The following C7 variants were observed in gnomAD, a reference collection of about 807,000 sequenced individuals.
C7 encodes complement C7, also known as complement component C7.
In C7, 83 loss-of-function variants were observed where a neutral mutation model predicts 104.8. The observed-to-expected ratio is 0.79, with a 90% CI of 0.66 to 0.95. C7 has a LOEUF of 0.95. Ranked by LOEUF, C7 falls within the 40% of genes least tolerant of loss-of-function variation. The pLI is 0.00. For synonymous variants in C7, 415 were observed against 360.6 expected, an observed-to-expected ratio of 1.15 and a Z score of -1.71; for missense variants, 1,070 against 1,011.2, an observed-to-expected ratio of 1.06 and a Z score of -0.79.
chr5:40,956,521 T>C (rs1386696348), intron 10 of C7, among the ~76,000 whole-genome samples: 1 of 152,258 alleles, frequency 6.6e-6, no homozygotes, highest in Non-Finnish European at 1.5e-5. Flanking sequence ...CTGTGTTTCA[T>C]GTGGACATAG....
chr5:40,945,583 G>A (rs1740029098), intron 7 of C7, among the ~76,000 whole-genome samples: 1 of 151,926 alleles, frequency 6.6e-6, no homozygotes, highest in Non-Finnish European at 1.5e-5. Flanking sequence ...TACTGGCCAG[G>A]CACAGTGGTT....
At chr5:40,934,591 TATC>T in intron 4 of C7, 125 bp downstream of exon 4, 1 of 930,518 alleles carries the variant, frequency 1.1e-6, no homozygotes, top group Admixed American at 2.3e-5. Context: ...TTCCCCCAAA[TATC>T]ATCAGGATTT....
chr5:40,945,426 A>C (rs1045885299), intron 7 of C7, 58 bp downstream of exon 7: 1 of 1,132,806 alleles, frequency 8.8e-7, no homozygotes, highest in African/African-American at 1.6e-5. Flanking sequence ...TATTGCTTAC[A>C]TTAATAAACT....
chr5:40,948,593 T>C (rs898494576), intron 8 of C7, among the ~76,000 whole-genome samples: 1 of 152,182 alleles, frequency 6.6e-6, no homozygotes, highest in Non-Finnish European at 1.5e-5. Context: ...GAATTAATGC[T>C]TTGTTGATTT....
intron 16 of C7, among the ~76,000 whole-genome samples, chr5:40,978,140 GAAAAAAAAA>G (rs869311131): frequency 9.3e-6 from 1 of 107,634 alleles, no homozygotes; most frequent in Non-Finnish European, 1.9e-5. Flanking sequence ...ATCTCAAAAA[GAAAAAAAAA>G]AAAAAAAAAA....
intron 1 of C7, among the ~76,000 whole-genome samples, chr5:40,927,385 T>A (rs796974336): frequency 1.3e-4 from 20 of 152,112 alleles, no homozygotes; most frequent in African/African-American, 4.8e-4. Context: ...AATGCAAACA[T>A]AGACAAATGG....
In C7 at chr5:40,972,873, G is replaced by C. The variant is rs76524297; in HGVS notation, c.2074+279G>C. Reference sequence around the variant, plus strand: ...AGCTTTATATCTGTTATGGTGCCAAGACAATAAAGGATTTTTAAAATCTGT... The same window carrying C: ...AGCTTTATATCTGTTATGGTGCCAACACAATAAAGGATTTTTAAAATCTGT... On this transcript the variant is annotated intron_variant, in intron 15 of 17. Transcript: ENST00000313164. Among the ~76,000 whole-genome samples the C allele has an allele frequency of 5.8e-3, 889 of 152,282 alleles. 32 individuals carry two copies. In the East Asian group the frequency reaches 0.091, roughly 16 times the overall value.
Position 40,945,265 on chromosome 5 carries a change from C to A in C7, c.635C>A (p.Ser212Ter), listed in dbSNP as rs774733206. ...ACTTGGTCTTATGTAAAACATACGT[C>A]GACAGAACACACATCATCTAGTCGG... ...NSTWSYVKHT[S>*]TEHTSSSRKR... Residue 212 changes from serine to a stop codon, truncating the protein, a stop_gained, in exon 7 of 18, where the codon TCG becomes TAG. Transcript: ENST00000313164. LOFTEE classifies it high-confidence loss of function. The A allele has an allele frequency of 1.9e-6, 3 of 1,585,862 alleles. No homozygotes were observed. The highest frequency in any genetic ancestry group is 1.7e-6 in the Non-Finnish European group (2 of 1,161,688).
intron 5 of C7, among the ~76,000 whole-genome samples, chr5:40,936,985 G>A (rs1240996610): frequency 6.6e-6 from 1 of 152,066 alleles, no homozygotes; most frequent in Admixed American, 6.6e-5. Context: ...CTGTGTTTAC[G>A]TTATCAAAGA....
chr5:40,910,620 A>G (rs551482688), intron 1 of C7, among the ~76,000 whole-genome samples: 3 of 152,310 alleles, frequency 2.0e-5, no homozygotes, highest in Admixed American at 6.5e-5. Context: ...TTGCAGCAAC[A>G]TGGAGGCAGA....
chr5:40,968,901 C>T (rs976770750), intron 14 of C7, among the ~76,000 whole-genome samples: 7 of 151,580 alleles, frequency 4.6e-5, no homozygotes, highest in Admixed American at 6.6e-5. Context: ...TGTGAGCCAT[C>T]GTGCCTGGCT....
intron 1 of C7, among the ~76,000 whole-genome samples, chr5:40,909,928 A>G (rs1230878608): frequency 1.3e-5 from 2 of 151,314 alleles, no homozygotes; most frequent in Non-Finnish European, 2.9e-5. Flanking sequence ...ATAAAGAAAT[A>G]CAATAGTACT....
At chr5:40,953,097 A>T (rs866465700) in intron 9 of C7, among the ~76,000 whole-genome samples, 1 of 152,158 alleles carries the variant, frequency 6.6e-6, no homozygotes, top group Non-Finnish European at 1.5e-5. Context: ...GACGTGATTC[A>T]CTGCATTAAA....
Position 40,982,600 on chromosome 5 carries a change from C to T in C7, c.*1027C>T, listed in dbSNP as rs1740974435. On this transcript the variant is annotated 3_prime_UTR_variant, in exon 18 of 18. Transcript: ENST00000313164. ...CAAACATAGGACTGGAAGTTTGCCCCTGTTCTTTTTTCTTTTGAAAGAACA... is the reference window on the plus strand; with the variant it reads ...CAAACATAGGACTGGAAGTTTGCCCTTGTTCTTTTTTCTTTTGAAAGAACA... The T allele has an allele frequency of 6.6e-6, 1 of 152,360 alleles. No individual in the cohort carries two copies. The highest frequency in any genetic ancestry group is 2.4e-5 in the African/African-American group (1 of 41,456). The allele number at this position is 152,360 out of a possible 1,614,324, so 9.4% of individuals were successfully genotyped here. A position where few individuals can be genotyped will look rare whatever the true frequency, so the allele number is the denominator to read the frequency against.
chr5:40,979,637 C>A, intron 16 of C7, 88 bp from the exon 17 acceptor site: 5 of 1,023,874 alleles, frequency 4.9e-6, no homozygotes, highest in Non-Finnish European at 6.8e-6. Flanking sequence ...TCTGGGGGCA[C>A]TAAGCTCAGA....
At chr5:40,921,064 AT>A (rs1169447982) in intron 1 of C7, among the ~76,000 whole-genome samples, 108 of 127,908 alleles carry the variant, frequency 8.4e-4, no homozygotes, top group African/African-American at 3.1e-3. Context: ...AAAAAAAAAA[AT>A]GAAAGACTAC....
chr5:40,939,620 G>A lies in C7; in HGVS notation c.567+1930G>A, dbSNP rs1262140748. ...TGGCCAGAAAGGAGAATGTAAGACA[G>A]GCATATACAGATAATTTTTTTTCTC... On this transcript the variant is annotated intron_variant, in intron 6 of 17. Transcript: ENST00000313164. Among the ~76,000 whole-genome samples the A allele has an allele frequency of 2.0e-5, 3 of 152,178 alleles. No homozygotes were observed. In the East Asian group the frequency reaches 5.8e-4, roughly 29 times the overall value.
intron 14 of C7, 53 bp downstream of exon 14, chr5:40,964,926 A>G (rs369018419): frequency 1.3e-6 from 2 of 1,596,658 alleles, no homozygotes; most frequent in East Asian, 2.2e-5. Context: ...CGTGGAAGAG[A>G]ATGAATCAAG....
intron 5 of C7, among the ~76,000 whole-genome samples, chr5:40,936,975 CTG>C (rs1257258047): frequency 6.6e-6 from 1 of 152,090 alleles, no homozygotes; most frequent in Non-Finnish European, 1.5e-5. Flanking sequence ...TTGGAAAATA[CTG>C]TGTTTACGTT....
Sources: gnomAD v4.1 joint callset for allele counts (sites outside exome capture counted in the v4.1 genomes callset) on GRCh38, gnomAD v4.1.1 for gene constraint, MANE v1.5 for transcripts, NCBI Gene and HGNC (gene_info 2026-07-23, HGNC 2026-07-21) for gene names.